Variants in HPCAL1 observed in about 807,000 individuals in gnomAD.
HPCAL1 encodes hippocalcin-like protein 1.
HPCAL1 carries 8 observed loss-of-function variants against 17.1 expected under a neutral mutation model. The observed-to-expected ratio is 0.47, with a 90% CI of 0.27 to 0.84. The LOEUF (loss-of-function observed/expected upper bound fraction) is 0.84. HPCAL1 is among the 40% of genes least tolerant of loss of function. The probability of loss-of-function intolerance (pLI) is 0.13; values close to 1 mark genes in which losing one functional copy is unlikely to be tolerated. For missense variants in HPCAL1, 165 were observed against 271.1 expected (o/e 0.61, Z 2.75); for synonymous variants, 112 against 111.4 (o/e 1.01, Z -0.03).
chr2:10,361,120 G>A lies in HPCAL1; in HGVS notation c.-110-35715G>A, dbSNP rs946287238. Among the ~76,000 whole-genome samples the A allele has an allele frequency of 1.0e-4, 15 of 147,050 alleles. No homozygotes were observed. The South Asian group carries it at 1.1e-3, about 11-fold the overall frequency. ...CAGGCGAGACTGCCCTGGAAAGCCC[G>A]GCGTGTCTGGCCTCCCCAGTGCTGG... On this transcript the variant is annotated intron_variant, in intron 1 of 4. Transcript: ENST00000307845.
intron 1 of HPCAL1, among the ~76,000 whole-genome samples, chr2:10,351,128 C>T (rs56364042): frequency 0.36 from 55,454 of 152,078 alleles, 10,584 homozygotes; most frequent in South Asian, 0.6. Context: ...GCATTATTCA[C>T]AGCAGCCAGA....
At chr2:10,399,972 GAGAC>G (rs1191597078) in intron 2 of HPCAL1, among the ~76,000 whole-genome samples, 1 of 152,192 alleles carries the variant, frequency 6.6e-6, no homozygotes, top group Non-Finnish European at 1.5e-5. Context: ...CACTCAAGGG[GAGAC>G]AGACAGTGAA....
At chr2:10,313,452 C>A (rs541054845) in intron 1 of HPCAL1, among the ~76,000 whole-genome samples, 13 of 152,228 alleles carry the variant, frequency 8.5e-5, no homozygotes, top group Non-Finnish European at 1.5e-4. Flanking sequence ...AATCTTAACA[C>A]CTTGCCTGAG....
At chr2:10,401,225 C>T (rs1454859928) in intron 2 of HPCAL1, among the ~76,000 whole-genome samples, 3 of 152,194 alleles carry the variant, frequency 2.0e-5, no homozygotes, top group South Asian at 2.1e-4. Flanking sequence ...TCTTTGCTCC[C>T]CTTCCCCAGG....
At position 10,331,314 on chromosome 2, in the gene HPCAL1, C is replaced by G. The variant is rs1047879543; in HGVS notation, c.-111+28137C>G. 6.6e-6 allele frequency among the ~76,000 whole-genome samples: 1 copy of G among 152,138 alleles called. No homozygotes were observed. The highest frequency in any genetic ancestry group is 1.5e-5 in the Non-Finnish European group (1 of 68,028). ...ACAGGCGCCCTTCCTGTCACCCGAG[C>G]GCCCTCTCCTTCCTCACCTCGCCAC... On this transcript the variant is annotated intron_variant, in intron 1 of 4. Transcript: ENST00000307845. The surrounding 1 kb of genome is among the most constrained non-coding windows in gnomAD (Gnocchi z 5.0).
intron 1 of HPCAL1, among the ~76,000 whole-genome samples, chr2:10,349,858 G>A (rs1208931330): frequency 1.3e-5 from 2 of 151,624 alleles, no homozygotes; most frequent in African/African-American, 4.9e-5. Flanking sequence ...TGGGTCCACT[G>A]GCTTCTGTCC....
At chr2:10,423,340 C>T (rs539879348) in intron 4 of HPCAL1, 3 of 503,034 alleles carry the variant, frequency 6.0e-6, no homozygotes, top group South Asian at 4.3e-5. Flanking sequence ...TGTCTCCCCA[C>T]TTATAGAATC....
At chr2:10,319,229 A>G (rs1019408771) in intron 1 of HPCAL1, among the ~76,000 whole-genome samples, 14 of 151,956 alleles carry the variant, frequency 9.2e-5, no homozygotes, top group African/African-American at 3.4e-4. Context: ...GCACTTTTCC[A>G]TCCCCCAGTC....
At chr2:10,399,582 ACCGCCACCG>A (rs1395158755) in intron 2 of HPCAL1, among the ~76,000 whole-genome samples, 1 of 129,278 alleles carries the variant, frequency 7.7e-6, no homozygotes, top group African/African-American at 3.0e-5. Context: ...CACCACCGCC[ACCGCCACCG>A]CCACCACCAC....
At chr2:10,322,498 C>T (rs1209438404) in intron 1 of HPCAL1, among the ~76,000 whole-genome samples, 1 of 152,250 alleles carries the variant, frequency 6.6e-6, no homozygotes, top group East Asian at 1.9e-4. Flanking sequence ...GGCTTGACTT[C>T]ACCAGCTGCC....
chr2:10,374,467 G>T (rs141484516), intron 1 of HPCAL1, among the ~76,000 whole-genome samples: 1 of 152,210 alleles, frequency 6.6e-6, no homozygotes, highest in Non-Finnish European at 1.5e-5. Context: ...GGTTTACAGC[G>T]ACAGCTGTTC....
In HPCAL1 at chr2:10,365,887, G is replaced by A. The variant is rs531199535; in HGVS notation, c.-110-30948G>A. Reference sequence around the variant, plus strand: ...GCCTGCTGGGTGCTGAGCCCACACCGCATGTCCTCGGCCTCCCATTGAGAT... The same window carrying A: ...GCCTGCTGGGTGCTGAGCCCACACCACATGTCCTCGGCCTCCCATTGAGAT... On this transcript the variant is annotated intron_variant, in intron 1 of 4. Coordinates refer to ENST00000307845, the MANE Select transcript of HPCAL1 (RefSeq NM_002149.4). The surrounding 1 kb of genome is among the most constrained non-coding windows in gnomAD (Gnocchi z 4.8). Among the ~76,000 whole-genome samples the A allele has an allele frequency of 9.7e-4, 147 of 152,306 alleles. No homozygotes were observed. The highest frequency in any genetic ancestry group is 1.5e-3 in the Non-Finnish European group (104 of 68,032).
At chr2:10,402,339 C>T (rs1279138437) in intron 2 of HPCAL1, among the ~76,000 whole-genome samples, 7 of 152,208 alleles carry the variant, frequency 4.6e-5, no homozygotes. Flanking sequence ...AAGGGGTGTT[C>T]CGTGACTGCG....
chr2:10,348,621 A>G (rs1225545539), intron 1 of HPCAL1, among the ~76,000 whole-genome samples: 2 of 150,726 alleles, frequency 1.3e-5, no homozygotes, highest in South Asian at 2.1e-4. Context: ...AAATATATAT[A>G]TATATAAATT....
chr2:10,345,150 T>A (rs967213084), intron 1 of HPCAL1, among the ~76,000 whole-genome samples: 1 of 152,148 alleles, frequency 6.6e-6, no homozygotes, highest in Non-Finnish European at 1.5e-5. Context: ...TTTCTGTCTG[T>A]CTTGCTCTCT....
intron 2 of HPCAL1, among the ~76,000 whole-genome samples, chr2:10,404,205 C>A (rs899586735): frequency 6.6e-6 from 1 of 152,140 alleles, no homozygotes; most frequent in African/African-American, 2.4e-5. Flanking sequence ...ACTTTGAAAA[C>A]ACCCCAGGAT....
At chr2:10,366,267 G>A (rs1431226790) in intron 1 of HPCAL1, among the ~76,000 whole-genome samples, 1 of 152,020 alleles carries the variant, frequency 6.6e-6, no homozygotes, top group African/African-American at 2.4e-5. Flanking sequence ...GACAGTTCTC[G>A]CTCTGTCGCC....
chr2:10,414,198 T>G (rs1176217590), intron 2 of HPCAL1, among the ~76,000 whole-genome samples: 4 of 152,270 alleles, frequency 2.6e-5, no homozygotes, highest in African/African-American at 9.6e-5. Context: ...AGAGCAGGTG[T>G]AACGTACCTG....
chr2:10,402,502 A>G (rs1400118656), intron 2 of HPCAL1, among the ~76,000 whole-genome samples: 2 of 152,152 alleles, frequency 1.3e-5, no homozygotes, highest in Non-Finnish European at 2.9e-5. Flanking sequence ...ACTCTCTATG[A>G]GTCAGAGGCC....
Sources: allele counts gnomAD v4.1 joint callset (sites outside exome capture counted in the v4.1 genomes callset), GRCh38; gene constraint gnomAD v4.1.1; non-coding constraint Gnocchi (gnomAD v3.1); transcripts MANE v1.5; gene names NCBI Gene and HGNC (gene_info 2026-07-23, HGNC 2026-07-21).